Variants in PRDM16 observed in about 807,000 individuals in gnomAD.
PRDM16 encodes the protein PR/SET domain 16, also known as histone-lysine N-methyltransferase PRDM16.
PRDM16 carries 23 observed loss-of-function variants against 110.6 expected under a neutral mutation model. The observed-to-expected ratio is 0.21, with a 90% confidence interval of 0.15 to 0.29. PRDM16 has a LOEUF of 0.29. PRDM16 is among the 10% of genes least tolerant of loss of function. PRDM16 has a pLI of 1.00. For missense variants in PRDM16, 1,615 were observed against 1,794.3 expected (o/e 0.90, Z 1.81); for synonymous variants, 799 against 781.8 (o/e 1.02, Z -0.37).
At position 3,382,246 on chromosome 1, in the gene PRDM16, C is replaced by T. The variant is rs1643114243; in HGVS notation, c.439-2906C>T. 6.6e-6 allele frequency among the ~76,000 whole-genome samples: 1 copy of T among 152,202 alleles called. No individual in the cohort carries two copies. Among genetic ancestry groups the T allele is most frequent in the Non-Finnish European group, 1.5e-5 (1 of 68,024 alleles). On this transcript the variant is annotated intron_variant, in intron 3 of 16. Coordinates refer to ENST00000270722, the MANE Select transcript of PRDM16 (RefSeq NM_022114.4). The surrounding 1 kb of genome is among the most constrained non-coding windows in gnomAD (Gnocchi z 6.6). ...GACAACCAGCCGCTTGTGGCCTCCTCCCTCCCATGCCACGCCCCTGCCACC... is the reference window on the plus strand; with the variant it reads ...GACAACCAGCCGCTTGTGGCCTCCTTCCTCCCATGCCACGCCCCTGCCACC...
At chr1:3,152,521 C>T (rs1340837146) in intron 1 of PRDM16, among the ~76,000 whole-genome samples, 3 of 152,174 alleles carry the variant, frequency 2.0e-5, no homozygotes, top group Non-Finnish European at 4.4e-5. Context: ...TCCCATCTCC[C>T]AAAGAAGAAA....
chr1:3,280,286 GGTGTGTGTGCAC>G (rs961262567), intron 3 of PRDM16, among the ~76,000 whole-genome samples: 5 of 152,218 alleles, frequency 3.3e-5, no homozygotes, highest in African/African-American at 1.2e-4. Flanking sequence ...CGCATGACCT[GGTGTGTGTGCAC>G]GTGTGTGTGC....
chr1:3,142,496 C>T (rs936409929), intron 1 of PRDM16, among the ~76,000 whole-genome samples: 12 of 152,022 alleles, frequency 7.9e-5, no homozygotes, highest in African/African-American at 2.7e-4. Context: ...TCGGGGCAGG[C>T]GCCGTCGAAC....
At chr1:3,181,258 A>AGTCTTACACACGGCCTTACGCATG (rs1644168959) in intron 1 of PRDM16, among the ~76,000 whole-genome samples, 2 of 143,830 alleles carry the variant, frequency 1.4e-5, no homozygotes, top group Non-Finnish European at 3.0e-5. Flanking sequence ...TTACACACGC[A>AGTCTTACACACGGCCTTACGCATG]GTCTTACACA....
At chr1:3,368,001 G>C (rs984335954) in intron 3 of PRDM16, among the ~76,000 whole-genome samples, 1 of 152,236 alleles carries the variant, frequency 6.6e-6, no homozygotes, top group Non-Finnish European at 1.5e-5. Flanking sequence ...AGAGCTGGAG[G>C]AGGGGACAGA....
At position 3,080,982 on chromosome 1, in the gene PRDM16, G is replaced by A. The variant is rs949018215; in HGVS notation, c.37+11686G>A. 2.6e-5 allele frequency among the ~76,000 whole-genome samples: 4 copies of A among 151,896 alleles called. No individual in the cohort carries two copies. The highest frequency in any genetic ancestry group is 5.9e-5 in the Non-Finnish European group (4 of 67,978). ...GCGGGGGGGGTCTGCACATTCCGCC[G>A]AGTGTCCTCATGAACAAAAGGCCTA... On this transcript the variant is annotated intron_variant, in intron 1 of 16. Transcript: ENST00000270722. This position sits in a 1 kb window ranked among gnomAD's most constrained non-coding sequence, Gnocchi z 5.2.
rs1055294779 is a variant in PRDM16 at position 3,265,078 on chromosome 1, G to A, written c.438+20941G>A. 6.6e-6 allele frequency among the ~76,000 whole-genome samples: 1 copy of A among 152,100 alleles called. No homozygotes were observed. The highest frequency in any genetic ancestry group is 1.5e-5 in the Non-Finnish European group (1 of 68,016). Reference sequence around the variant, plus strand: ...CCTCTCTCTGACCCAGGGCCCAGGAGGGAGGGGAGACCAGCAGGGAGGCGG... The same window carrying A: ...CCTCTCTCTGACCCAGGGCCCAGGAAGGAGGGGAGACCAGCAGGGAGGCGG... On this transcript the variant is annotated intron_variant, in intron 3 of 16. Transcript: ENST00000270722. This position sits in a 1 kb window ranked among gnomAD's most constrained non-coding sequence, Gnocchi z 4.5.
At chr1:3,138,043 T>C (rs994250726) in intron 1 of PRDM16, among the ~76,000 whole-genome samples, 1 of 151,470 alleles carries the variant, frequency 6.6e-6, no homozygotes, top group African/African-American at 2.4e-5. Flanking sequence ...CTGCTGGGAG[T>C]TGGAATCCCG....
At position 3,433,925 on chromosome 1, in the gene PRDM16, TC is replaced by T; in HGVS notation, c.*118del. On this transcript the variant is annotated 3_prime_UTR_variant, in exon 17 of 17. Coordinates refer to ENST00000270722, the MANE Select transcript of PRDM16 (RefSeq NM_022114.4). ...TGCGTGTGGCCACTCCTCAGCATCCTCCCCACCCACCATGGTTCATTCCGAC... is the reference window on the plus strand; with the variant it reads ...TGCGTGTGGCCACTCCTCAGCATCCTCCCACCCACCATGGTTCATTCCGAC... 1.9e-6 allele frequency: 2 copies of T among 1,042,286 alleles called. No homozygotes were observed. The highest frequency in any genetic ancestry group is 2.8e-6 in the Non-Finnish European group (2 of 726,356). 64.6% of individuals were successfully genotyped at this position (1,042,286 alleles called of 1,614,324 possible). A position where few individuals can be genotyped will look rare whatever the true frequency, so the allele number is the denominator to read the frequency against.
intron 3 of PRDM16, among the ~76,000 whole-genome samples, chr1:3,345,749 AGGCCACCCCTCGGGTCCTCCCG>A (rs1642349245): frequency 9.3e-6 from 1 of 107,604 alleles, no homozygotes; most frequent in Non-Finnish European, 2.0e-5. Context: ...TCTGTGGTCC[AGGCCACCCCTCGGGTCCTCCCG>A]TGCTGCCCCC....
Position 3,402,897 on chromosome 1 carries a change from C to T in PRDM16, c.783C>T (p.Tyr261=), listed in dbSNP as rs61756439. The stretch of plus-strand genomic sequence containing the variant: ...GTGGCTCAGTGGGGGCTGCGCTCTA[C>T]GAGGGCCTGGCTGAGGAGCTCAAGC... ...YTCGSVGAAL[Y]EGLAEELKPE... is the part of the protein sequence containing the mutation. Residue 261 remains tyrosine, a synonymous_variant, in exon 6 of 17, where the codon TAC becomes TAT. Coordinates refer to ENST00000270722, the MANE Select transcript of PRDM16 (RefSeq NM_022114.4). 9.9e-3 allele frequency: 16,005 copies of T among 1,612,968 alleles called. 157 individuals are homozygous for T. Among genetic ancestry groups the T allele is most frequent in the Admixed American group, 0.05 (2,979 of 60,020 alleles).
chr1:3,099,453 C>T (rs1642482559), intron 1 of PRDM16, among the ~76,000 whole-genome samples: 1 of 152,232 alleles, frequency 6.6e-6, no homozygotes, highest in African/African-American at 2.4e-5. Flanking sequence ...ACGGGGTCCC[C>T]AACACCATTG....
Position 3,181,126 on chromosome 1 carries a change from A to AGTCTTACACGCGGCCTTACACACGCG in PRDM16, c.38-4986_38-4985insCCTTACACACGCGGTCTTACACGCGG, listed in dbSNP as rs1557508042. Reference sequence around the variant, plus strand: ...GTCTTACACGCGGCCTTACACACGCAGTCTTACACGCGGTCTTACACACGC... The same window carrying AGTCTTACACGCGGCCTTACACACGCG: ...GTCTTACACGCGGCCTTACACACGCAGTCTTACACGCGGCCTTACACACGCGGTCTTACACGCGGTCTTACACACGC... On this transcript the variant is annotated intron_variant, in intron 1 of 16. Coordinates refer to ENST00000270722, the MANE Select transcript of PRDM16 (RefSeq NM_022114.4). 1.0e-3 allele frequency among the ~76,000 whole-genome samples: 132 copies of AGTCTTACACGCGGCCTTACACACGCG among 127,926 alleles called. 4 individuals are homozygous for AGTCTTACACGCGGCCTTACACACGCG. The highest frequency in any genetic ancestry group is 3.7e-3 in the African/African-American group (125 of 34,200). The allele number at this position is 127,926 out of a possible 152,430, so 83.9% of individuals were successfully genotyped here. A position where few individuals can be genotyped will look rare whatever the true frequency, so the allele number is the denominator to read the frequency against.
At position 3,437,301 on chromosome 1, in the gene PRDM16, C is replaced by T. The variant is rs1003299797; in HGVS notation, c.*3490C>T. 25 of 232,660 alleles carry T rather than the reference C, an allele frequency of 1.1e-4. No individual in the cohort carries two copies. Among genetic ancestry groups the T allele is most frequent in the African/African-American group, 4.6e-4 (21 of 45,320 alleles). 14.4% of individuals were successfully genotyped at this position (232,660 alleles called of 1,614,324 possible). ...GCCCTGGAAATTCCAAGGGCCCTGGCGTCCTCTGCCTTCCCCGCTTCCCCA... is the reference window on the plus strand; with the variant it reads ...GCCCTGGAAATTCCAAGGGCCCTGGTGTCCTCTGCCTTCCCCGCTTCCCCA... On this transcript the variant is annotated 3_prime_UTR_variant, in exon 17 of 17. Transcript: ENST00000270722.
intron 4 of PRDM16, chr1:3,386,847 A>C (rs966933484): frequency 6.6e-6 from 1 of 152,174 alleles, no homozygotes; most frequent in Non-Finnish European, 1.5e-5. Flanking sequence ...TGTGAGATGC[A>C]AACTATAGTA....
intron 1 of PRDM16, among the ~76,000 whole-genome samples, chr1:3,163,658 A>C (rs1221151161): frequency 1.3e-5 from 2 of 152,226 alleles, no homozygotes; most frequent in East Asian, 3.9e-4. Context: ...AGGCTCTGAG[A>C]ACCCTTGTCC....
Position 3,175,403 on chromosome 1 carries a change from G to A in PRDM16, c.38-10722G>A, listed in dbSNP as rs1354077329. Among the ~76,000 whole-genome samples, 8 of 152,056 alleles carry A rather than the reference G, an allele frequency of 5.3e-5. No individual in the cohort carries two copies. The highest frequency in any genetic ancestry group is 4.1e-4 in the South Asian group (2 of 4,820). On this transcript the variant is annotated intron_variant, in intron 1 of 16. Transcript: ENST00000270722. This position sits in a 1 kb window ranked among gnomAD's most constrained non-coding sequence, Gnocchi z 4.8. ...GCCTCCGTGCGTGCCTGCTCTCCCC[G>A]ATCAGCTCTCCCACAACCACAGCCT...
chr1:3,363,964 C>A (rs1642763534), intron 3 of PRDM16, among the ~76,000 whole-genome samples: 1 of 151,376 alleles, frequency 6.6e-6, no homozygotes, highest in Admixed American at 6.6e-5. Context: ...AAGGCAGCGC[C>A]CCCCGCCCCC....
rs902327073 is a variant in PRDM16, at chr1:3,081,692, C to A, written c.37+12396C>A. ...GCTGGACCTCCTGGCCACACAGCCG[C>A]TTCCCACCCCTGGGTGTCGGTCACT... On this transcript the variant is annotated intron_variant, in intron 1 of 16. Transcript: ENST00000270722. The surrounding 1 kb of genome is among the most constrained non-coding windows in gnomAD (Gnocchi z 4.6). Among the ~76,000 whole-genome samples the A allele has an allele frequency of 2.6e-5, 4 of 152,174 alleles. No individual in the cohort carries two copies. Among genetic ancestry groups the A allele is most frequent in the African/African-American group, 9.7e-5 (4 of 41,446 alleles).
Sources: gnomAD v4.1 joint callset for allele counts (sites outside exome capture counted in the v4.1 genomes callset) on GRCh38, gnomAD v4.1.1 for gene constraint, Gnocchi (gnomAD v3.1) non-coding constraint, MANE v1.5 for transcripts, NCBI Gene and HGNC (gene_info 2026-07-23, HGNC 2026-07-21) for gene names.